The following TIA1 variants were observed in gnomAD, a reference collection of about 807,000 sequenced individuals.
TIA1 encodes TIA1 cytotoxic granule associated RNA binding protein.
A neutral mutation model predicts 65.9 loss-of-function variants in TIA1; 23 were observed. The ratio of observed to expected loss-of-function variants is 0.35; its 90% CI spans 0.25 to 0.49. TIA1 has a LOEUF of 0.49. TIA1 is among the 20% of genes least tolerant of loss of function. The pLI is 0.98. For missense variants in TIA1, 371 were observed against 477.9 expected (o/e 0.78, Z 2.09); for synonymous variants, 147 against 149.4 (o/e 0.98, Z 0.12).
At chr2:70,242,053 T>C (rs898579061) in intron 1 of TIA1, among the ~76,000 whole-genome samples, 1 of 152,160 alleles carries the variant, frequency 6.6e-6, no homozygotes, top group Non-Finnish European at 1.5e-5. Context: ...GAATAAAGCC[T>C]ATAGTGTTAA....
In TIA1 at chr2:70,211,613, T is replaced by C. The variant is rs1466095240; in HGVS notation, c.*1106A>G. 1 of 152,566 alleles carries C rather than the reference T, an allele frequency of 6.6e-6. No homozygotes were observed. Among genetic ancestry groups the C allele is most frequent in the Non-Finnish European group, 1.5e-5 (1 of 68,040 alleles). The allele number at this position is 152,566 out of a possible 1,614,324, so 9.5% of individuals were successfully genotyped here. On this transcript the variant is annotated 3_prime_UTR_variant, in exon 13 of 13. Coordinates refer to ENST00000433529, the MANE Select transcript of TIA1 (RefSeq NM_022173.4). ...GCAAATCTACCTAGAAAACGGCAAA[T>C]TAATATATTCCTTTACATACAACTT...
chr2:70,245,555 G>T (rs1318565673), intron 1 of TIA1, among the ~76,000 whole-genome samples: 1 of 152,102 alleles, frequency 6.6e-6, no homozygotes, highest in Non-Finnish European at 1.5e-5. Flanking sequence ...CACTATACAC[G>T]TATTTTTATT....
chr2:70,223,545 G>C (rs1057270495), intron 7 of TIA1, among the ~76,000 whole-genome samples: 1 of 151,404 alleles, frequency 6.6e-6, no homozygotes, highest in African/African-American at 2.4e-5. Flanking sequence ...CCTCAGCCCT[G>C]CAAGTAGCTG....
chr2:70,232,761 C>G (rs766373957), intron 2 of TIA1, among the ~76,000 whole-genome samples: 1 of 150,800 alleles, frequency 6.6e-6, no homozygotes, highest in Non-Finnish European at 1.5e-5. Flanking sequence ...CCCATCTACT[C>G]GGGAGGCTGA....
intron 2 of TIA1, among the ~76,000 whole-genome samples, chr2:70,233,144 A>AT (rs11441220): frequency 0.028 from 4,191 of 151,682 alleles, 367 homozygotes; most frequent in Admixed American, 0.17. Flanking sequence ...CAGTTAATTA[A>AT]TTTTTTTTTA....
chr2:70,239,652 A>G (rs928022688), intron 1 of TIA1, among the ~76,000 whole-genome samples: 6 of 152,218 alleles, frequency 3.9e-5, no homozygotes, highest in Non-Finnish European at 5.9e-5. Context: ...CAACAAACAC[A>G]TATTGAGTGC....
In TIA1 at chr2:70,216,907, C is replaced by A. The variant is rs756853891; in HGVS notation, c.562G>T (p.Ala188Ser). 1 of 1,614,026 alleles carries A rather than the reference C, an allele frequency of 6.2e-7. No individual in the cohort carries two copies. Among genetic ancestry groups the A allele is most frequent in the Non-Finnish European group, 8.5e-7 (1 of 1,179,958 alleles). Residue 188 changes from alanine to serine, a missense_variant, in exon 8 of 13, where the codon GCT (alanine) becomes TCT (serine). Coordinates refer to ENST00000433529, the MANE Select transcript of TIA1 (RefSeq NM_022173.4). ...RTNWATRKPP[A>S]PKSTYESNTK... ...CTACACTCATATGTACTCTTTGGAG[C>A]GGGAGGCTTTCGGGTTGCCCAGTTA...
rs10175751 is a variant in TIA1, at chr2:70,211,233, C to T, written c.*1486G>A. The T allele has an allele frequency of 3.4e-3, 510 of 152,236 alleles. 3 individuals are homozygous for T. Among genetic ancestry groups the T allele is most frequent in the African/African-American group, 0.012 (487 of 41,536 alleles). The allele number at this position is 152,236 out of a possible 1,614,324, so 9.4% of individuals were successfully genotyped here. ...CTTCCCACACAAGTCTTCTAAGAGA[C>T]TCTGAAATATACTAGAAATTTCAAA... On this transcript the variant is annotated 3_prime_UTR_variant, in exon 13 of 13. Transcript: ENST00000433529.
rs547374857 is a variant in TIA1, at chr2:70,211,217, C to T, written c.*1502G>A. On this transcript the variant is annotated 3_prime_UTR_variant, in exon 13 of 13. Coordinates refer to ENST00000433529, the MANE Select transcript of TIA1 (RefSeq NM_022173.4). ...TGAAAACAAAGTGAAACTTCCCACA[C>T]AAGTCTTCTAAGAGACTCTGAAATA... 6.6e-6 allele frequency: 1 copy of T among 152,150 alleles called. No individual in the cohort carries two copies. Among genetic ancestry groups the T allele is most frequent in the South Asian group, 2.1e-4 (1 of 4,830 alleles). 9.4% of individuals were successfully genotyped at this position (152,150 alleles called of 1,614,324 possible).
Position 70,248,499 on chromosome 2 carries a change from A to C in TIA1, c.-69T>G. 6.3e-7 allele frequency: 1 copy of C among 1,599,280 alleles called. No homozygotes were observed. The highest frequency in any genetic ancestry group is 8.5e-7 in the Non-Finnish European group (1 of 1,179,176). ...CCTTCACTACCTCCCAAATCGTTTAAGCGGTTATGGCTACAGGATAGTGGG... is the reference window on the plus strand; with the variant it reads ...CCTTCACTACCTCCCAAATCGTTTACGCGGTTATGGCTACAGGATAGTGGG... On this transcript the variant is annotated 5_prime_UTR_variant, in exon 1 of 13. Transcript: ENST00000433529.
chr2:70,247,549 G>A (rs1010501685), intron 1 of TIA1, among the ~76,000 whole-genome samples: 9 of 152,224 alleles, frequency 5.9e-5, no homozygotes, highest in African/African-American at 2.2e-4. Context: ...CAACTCATCC[G>A]ATAATACCTC....
chr2:70,226,894 C>T lies in TIA1; in HGVS notation c.398+841G>A, dbSNP rs550031143. Among the ~76,000 whole-genome samples, 6 of 152,214 alleles carry T rather than the reference C, an allele frequency of 3.9e-5. No homozygotes were observed. In the East Asian group the frequency reaches 5.8e-4, roughly 15 times the overall value. The stretch of plus-strand genomic sequence containing the variant: ...AATCAAGGAACGATAACTCTTCAAA[C>T]GAAAGCTCCTAAAATTCACCAATAC... On this transcript the variant is annotated intron_variant, in intron 6 of 12. Coordinates refer to ENST00000433529, the MANE Select transcript of TIA1 (RefSeq NM_022173.4).
chr2:70,219,426 C>T (rs1329330553), intron 7 of TIA1, among the ~76,000 whole-genome samples: 1 of 152,094 alleles, frequency 6.6e-6, no homozygotes, highest in African/African-American at 2.4e-5. Context: ...CAAAGGTAAG[C>T]TTAATCTACT....
At chr2:70,241,320 T>C (rs944062271) in intron 1 of TIA1, among the ~76,000 whole-genome samples, 4 of 152,038 alleles carry the variant, frequency 2.6e-5, no homozygotes, top group Middle Eastern at 3.2e-3. Flanking sequence ...CGTGTGCCTG[T>C]AGTTTCAGCT....
At chr2:70,215,903 C>G (rs1382801111) in intron 10 of TIA1, among the ~76,000 whole-genome samples, 1 of 152,138 alleles carries the variant, frequency 6.6e-6, no homozygotes, top group African/African-American at 2.4e-5. Context: ...CATGCACCGC[C>G]ATGCCGGCTA....
intron 2 of TIA1, 125 bp from the exon 3 acceptor site, chr2:70,230,979 T>C: frequency 3.2e-6 from 2 of 633,924 alleles, no homozygotes; most frequent in Non-Finnish European, 5.4e-6. Flanking sequence ...GGAGAATGAA[T>C]GGTCTATTCC....
Position 70,232,181 on chromosome 2 carries a change from C to T in TIA1, c.124-1327G>A, listed in dbSNP as rs539513882. 1.5e-3 allele frequency among the ~76,000 whole-genome samples: 212 copies of T among 143,716 alleles called. 2 individuals are homozygous for T. Among genetic ancestry groups the T allele is most frequent in the African/African-American group, 5.2e-3 (203 of 38,686 alleles). The allele number at this position is 143,716 out of a possible 152,430, so 94.3% of individuals were successfully genotyped here. On this transcript the variant is annotated intron_variant, in intron 2 of 12. Transcript: ENST00000433529. ...CCGAGATTGCACCACTGCACTCCAG[C>T]CTGGGCGACAGAGCGAGACTCTGTC...
At chr2:70,224,290 C>A in intron 7 of TIA1, 1 of 421,546 alleles carries the variant, frequency 2.4e-6, no homozygotes, top group Non-Finnish European at 4.3e-6. Flanking sequence ...GAATTAAATC[C>A]ATAAATGAGA....
chr2:70,231,101 C>G (rs1438274731), intron 2 of TIA1, among the ~76,000 whole-genome samples: 1 of 152,016 alleles, frequency 6.6e-6, no homozygotes, highest in East Asian at 1.9e-4. Context: ...AGTTTGAGAC[C>G]AACTTGGCCA....
Sources: gnomAD v4.1 joint callset for allele counts (sites outside exome capture counted in the v4.1 genomes callset) on GRCh38, gnomAD v4.1.1 for gene constraint, MANE v1.5 for transcripts, NCBI Gene and HGNC (gene_info 2026-07-23, HGNC 2026-07-21) for gene names.